Variants in TCEANC2 observed in about 807,000 individuals in gnomAD.
TCEANC2 encodes the protein transcription elongation factor A N-terminal and central domain containing 2.
In TCEANC2, 20 loss-of-function variants were observed where a neutral mutation model predicts 22.8. The observed-to-expected ratio is 0.88, with a 90% confidence interval of 0.62 to 1.28. The LOEUF (loss-of-function observed/expected upper bound fraction) is 1.28. TCEANC2 is among the 50% of genes most tolerant of loss of function. The pLI is 0.00. For synonymous variants in TCEANC2, 84 were observed against 95.5 expected (o/e 0.88, Z 0.70); for missense variants, 251 against 249.7 (o/e 1.01, Z -0.03).
chr1:54,088,776 G>A lies in TCEANC2; in HGVS notation c.424G>A (p.Ala142Thr), dbSNP rs1332741177. The change falls in exon 4 of 5, where the codon GCC (alanine) becomes ACC (threonine). Residue 142 changes from alanine to threonine, a missense_variant. Transcript: ENST00000234827. Reference sequence around the variant, plus strand: ...AAATGCTCAGAAATTACTCTCAGAAGCCTTGGAATTAAAGGTAATGCCCTA... The same window carrying A: ...AAATGCTCAGAAATTACTCTCAGAAACCTTGGAATTAAAGGTAATGCCCTA... Reference protein sequence around the residue: ...RKNAQKLLSEALELKMDHLLV... With the variant: ...RKNAQKLLSETLELKMDHLLV... 2.5e-6 allele frequency: 4 copies of A among 1,585,370 alleles called. No homozygotes were observed. Among genetic ancestry groups the A allele is most frequent in the Middle Eastern group, 2.0e-4 (1 of 4,960 alleles).
At position 54,096,146 on chromosome 1, in the gene TCEANC2, G is replaced by C. The variant is rs1451218596; in HGVS notation, c.439-139G>C. ...AGGGTGGAATTAATTTGCTCTTCCT[G>C]TTTCTCTTGTGACAGGAAGTAGATG... On this transcript the variant is annotated intron_variant, in intron 4 of 4. Transcript: ENST00000234827. This position sits in a 1 kb window ranked among gnomAD's most constrained non-coding sequence, Gnocchi z 4.9. The C allele has an allele frequency of 7.4e-7, 1 of 1,359,376 alleles. No individual in the cohort carries two copies. Among genetic ancestry groups the C allele is most frequent in the African/African-American group, 1.5e-5 (1 of 68,826 alleles). 84.2% of individuals were successfully genotyped at this position (1,359,376 alleles called of 1,614,324 possible). A position where few individuals can be genotyped will look rare whatever the true frequency, so the allele number is the denominator to read the frequency against.
At position 54,088,767 on chromosome 1, in the gene TCEANC2, C is replaced by T; in HGVS notation, c.415C>T (p.Leu139Phe). The change falls in exon 4 of 5, where the codon CTC (leucine) becomes TTC (phenylalanine). Residue 139 changes from leucine to phenylalanine, a missense_variant. By Grantham distance (22) the Leu-to-Phe change is conservative (BLOSUM62 0). Transcript: ENST00000234827. ...GTTGAGGAAAAATGCTCAGAAATTA[C>T]TCTCAGAAGCCTTGGAATTAAAGGT... is the stretch of plus-strand genomic sequence containing the variant. ...ESLRKNAQKLLSEALELKMDH... is the reference protein window; with the variant it reads ...ESLRKNAQKLFSEALELKMDH... 6.3e-7 allele frequency: 1 copy of T among 1,582,874 alleles called. No individual in the cohort carries two copies. The highest frequency in any genetic ancestry group is 1.1e-5 in the South Asian group (1 of 87,380).
rs979624056 is a variant in TCEANC2 at position 54,102,991 on chromosome 1, T to A, written c.*6518T>A. ...TGGCTTGGCTGGTTGGTAAGGGGTC[T>A]GAAAGGAATAAGATTGGAAAATTGG... On this transcript the variant is annotated 3_prime_UTR_variant, in exon 5 of 5. Coordinates refer to ENST00000234827, the MANE Select transcript of TCEANC2 (RefSeq NM_153035.3). 1 of 152,414 alleles carries A rather than the reference T, an allele frequency of 6.6e-6. No individual in the cohort carries two copies. The highest frequency in any genetic ancestry group is 1.5e-5 in the Non-Finnish European group (1 of 68,192). 9.4% of individuals were successfully genotyped at this position (152,414 alleles called of 1,614,324 possible).
chr1:54,054,454 T>C lies in TCEANC2; in HGVS notation c.32T>C (p.Ile11Thr), dbSNP rs138552479. 1 of 1,613,866 alleles carries C rather than the reference T, an allele frequency of 6.2e-7. No homozygotes were observed. The highest frequency in any genetic ancestry group is 1.3e-5 in the African/African-American group (1 of 74,848). ...AAATTCGTCATTCGAACGCCTAGAA[T>C]CCAGAATAGCCCTCAGAAGAAAGAT... MDKFVIRTPR[I>T]QNSPQKKDSG... The change falls in exon 2 of 5, where the codon ATC becomes ACC. Residue 11 changes from isoleucine (I) to threonine (T), a missense_variant. Ile to Thr is a moderately conservative substitution (Grantham distance 89). Coordinates refer to ENST00000234827, the MANE Select transcript of TCEANC2 (RefSeq NM_153035.3).
chr1:54,106,452 T>C (rs1339858937), downstream of TCEANC2, among the ~76,000 whole-genome samples: 3 of 152,218 alleles, frequency 2.0e-5, no homozygotes, highest in Non-Finnish European at 4.4e-5. Context: ...CCAAATATTA[T>C]TACTTTGACA....
chr1:54,092,922 ACT>A (rs1368684540), intron 4 of TCEANC2, among the ~76,000 whole-genome samples: 4 of 152,148 alleles, frequency 2.6e-5, no homozygotes, highest in African/African-American at 4.8e-5. Context: ...AAGGATTCTG[ACT>A]CTCTGTCTCT....
intron 3 of TCEANC2, among the ~76,000 whole-genome samples, chr1:54,081,102 G>A (rs554036757): frequency 8.5e-5 from 13 of 152,250 alleles, no homozygotes; most frequent in African/African-American, 1.4e-4. Flanking sequence ...AAGTTACCTC[G>A]CCTCTCAGTA....
chr1:54,054,511 T>C lies in TCEANC2; in HGVS notation c.89T>C (p.Ile30Thr), dbSNP rs201738154. The C allele has an allele frequency of 1.2e-5, 20 of 1,613,066 alleles. No homozygotes were observed. In the African/African-American group the frequency reaches 1.6e-4, roughly 13 times the overall value. ...GGAAAGGTTTACAAGCAGGCCACGATTGAATCTCTGAAGGTGAGAGGGGAT... is the reference window on the plus strand; with the variant it reads ...GGAAAGGTTTACAAGCAGGCCACGACTGAATCTCTGAAGGTGAGAGGGGAT... The part of the protein sequence containing the change: ...SGGKVYKQAT[I>T]ESLKRVVVVE... Residue 30 changes from isoleucine (I) to threonine (T), a missense_variant, in exon 2 of 5, where the codon ATT becomes ACT. Coordinates refer to ENST00000234827, the MANE Select transcript of TCEANC2 (RefSeq NM_153035.3).
At chr1:54,083,605 G>T (rs1658285494) in intron 3 of TCEANC2, among the ~76,000 whole-genome samples, 1 of 152,176 alleles carries the variant, frequency 6.6e-6, no homozygotes, top group Admixed American at 6.5e-5. Flanking sequence ...ACATAAAGCT[G>T]GGTCAGCAGT....
intron 3 of TCEANC2, among the ~76,000 whole-genome samples, chr1:54,077,767 G>A (rs1267348995): frequency 5.3e-5 from 8 of 152,218 alleles, no homozygotes; most frequent in South Asian, 2.1e-4. Context: ...AAATGACAAC[G>A]TTGAACAAGT....
At chr1:54,082,361 C>A (rs1451236405) in intron 3 of TCEANC2, among the ~76,000 whole-genome samples, 1 of 152,128 alleles carries the variant, frequency 6.6e-6, no homozygotes, top group Non-Finnish European at 1.5e-5. Flanking sequence ...TCCTAATCAC[C>A]TCTATCCATA....
intron 4 of TCEANC2, among the ~76,000 whole-genome samples, chr1:54,093,970 A>G (rs571441793): frequency 3.3e-5 from 5 of 152,296 alleles, no homozygotes; most frequent in Admixed American, 3.3e-4. Flanking sequence ...CCACCTTTCC[A>G]GCTTCCTAAA....
At chr1:54,111,292 C>T (rs888415121) in exon 5 of TCEANC2, 3 of 152,214 alleles carry the variant, frequency 2.0e-5, no homozygotes, top group African/African-American at 4.8e-5. Context: ...AGAGCGGAGG[C>T]GCAGCTTTTA....
At chr1:54,095,833 C>T (rs1489942753) in intron 4 of TCEANC2, among the ~76,000 whole-genome samples, 1 of 152,086 alleles carries the variant, frequency 6.6e-6, no homozygotes, top group Non-Finnish European at 1.5e-5. Context: ...GAGTTATGAG[C>T]ATTAAATGTG....
chr1:54,071,792 A>T (rs1658059558), intron 3 of TCEANC2, among the ~76,000 whole-genome samples: 2 of 151,862 alleles, frequency 1.3e-5, no homozygotes, highest in South Asian at 4.2e-4. Context: ...CATTTTGAAA[A>T]TTTACAGCAA....
chr1:54,086,479 C>G (rs1396437366), intron 3 of TCEANC2, among the ~76,000 whole-genome samples: 2 of 152,112 alleles, frequency 1.3e-5, no homozygotes, highest in Non-Finnish European at 2.9e-5. Flanking sequence ...GGCCAGATAA[C>G]AAGAGAAGTA....
Position 54,068,914 on chromosome 1 carries a change from T to C in TCEANC2, c.244+17T>C. ...CAAGGATAGGTATATTCCTTCTTAA[T>C]TTTATTTTTTAAGAAAGCTTATATT... On this transcript the variant is annotated intron_variant, in intron 3 of 4. Transcript: ENST00000234827. 1 of 1,523,050 alleles carries C rather than the reference T, an allele frequency of 6.6e-7. No individual in the cohort carries two copies. Among genetic ancestry groups the C allele is most frequent in the East Asian group, 2.4e-5 (1 of 42,126 alleles). The allele number at this position is 1,523,050 out of a possible 1,614,324, so 94.3% of individuals were successfully genotyped here.
chr1:54,056,650 C>T (rs1230739020), intron 2 of TCEANC2, among the ~76,000 whole-genome samples: 1 of 152,088 alleles, frequency 6.6e-6, no homozygotes, highest in East Asian at 1.9e-4. Flanking sequence ...TAATATACCT[C>T]CTCCTACCGC....
chr1:54,109,160 G>A (rs1658804193), downstream of TCEANC2, among the ~76,000 whole-genome samples: 1 of 152,210 alleles, frequency 6.6e-6, no homozygotes, highest in Admixed American at 6.5e-5. Flanking sequence ...AACTGTGCCT[G>A]TAGAGGGGCC....
Sources: allele counts gnomAD v4.1 joint callset (sites outside exome capture counted in the v4.1 genomes callset), GRCh38; gene constraint gnomAD v4.1.1; non-coding constraint Gnocchi (gnomAD v3.1); transcripts MANE v1.5; gene names NCBI Gene and HGNC (gene_info 2026-07-23, HGNC 2026-07-21).